CLEC4C: variants seen among roughly 807,000 people sequenced by gnomAD.
The protein encoded by CLEC4C is C-type lectin domain family 4 member C.
A neutral mutation model predicts 27.7 loss-of-function variants in CLEC4C; 17 were observed. The ratio of observed to expected loss-of-function variants is 0.61; its 90% CI spans 0.42 to 0.92. The LOEUF (loss-of-function observed/expected upper bound fraction) is 0.92. Among genes scored for constraint, CLEC4C ranks in the 40% least tolerant of loss-of-function variants. CLEC4C has a pLI of 0.00. For synonymous variants in CLEC4C, 80 were observed against 80.8 expected (o/e 0.99, Z 0.06); for missense variants, 244 against 257.3 (o/e 0.95, Z 0.35).
At chr12:7,734,137 A>G (rs1864665733) in intron 4 of CLEC4C, among the ~76,000 whole-genome samples, 1 of 152,184 alleles carries the variant, frequency 6.6e-6, no homozygotes, top group Admixed American at 6.5e-5. Context: ...AACATATACG[A>G]GACATTGTTA....
Position 7,741,463 on chromosome 12 carries a change from G to A in CLEC4C, c.193C>T (p.His65Tyr), listed in dbSNP as rs373679345. The change falls in exon 3 of 6, where the codon CAT (histidine) becomes TAT (tyrosine). Residue 65 changes from histidine to tyrosine, a missense_variant. Transcript: ENST00000360345. Reference sequence around the variant, plus strand: ...TCCATGACGCAGGTCAGGCTTGGATGATACTGTTGATACTCTCGTAACTTG... The same window carrying A: ...TCCATGACGCAGGTCAGGCTTGGATAATACTGTTGATACTCTCGTAACTTG... ...LSKLREYQQY[H>Y]PSLTCVMEGK... The A allele has an allele frequency of 3.2e-5, 51 of 1,612,286 alleles. No homozygotes were observed. Among genetic ancestry groups the A allele is most frequent in the Middle Eastern group, 1.6e-4 (1 of 6,082 alleles).
rs769919543 is a variant in CLEC4C at position 7,730,838 on chromosome 12, A to G, written c.456T>C (p.His152=). Residue 152 remains histidine, a synonymous_variant, in exon 5 of 6, where the codon CAT becomes CAC. Coordinates refer to ENST00000360345, the MANE Select transcript of CLEC4C (RefSeq NM_001371390.1). ...LGLSDPGGRR[H]WQWVDQTPYN... ...ATGGTGTCTGGTCAACCCATTGCCA[A>G]TGTCGCCGACCCCCTGGATCTGACA... 1.1e-5 allele frequency: 18 copies of G among 1,610,876 alleles called. No individual in the cohort carries two copies. The highest frequency in any genetic ancestry group is 1.4e-5 in the Non-Finnish European group (16 of 1,177,314).
intron 4 of CLEC4C, among the ~76,000 whole-genome samples, chr12:7,731,582 C>G (rs1864595698): frequency 6.6e-6 from 1 of 152,070 alleles, no homozygotes; most frequent in Non-Finnish European, 1.5e-5. Context: ...GGAGAAGACC[C>G]AGGAGTAGCC....
At chr12:7,734,910 C>T (rs936885377) in intron 4 of CLEC4C, among the ~76,000 whole-genome samples, 3 of 151,916 alleles carry the variant, frequency 2.0e-5, no homozygotes, top group African/African-American at 7.3e-5. Flanking sequence ...TAATTTGAAA[C>T]ATTCCATAGG....
upstream of CLEC4C, among the ~76,000 whole-genome samples, chr12:7,748,095 T>C (rs754352386): frequency 1.3e-5 from 2 of 152,238 alleles, no homozygotes; most frequent in East Asian, 1.9e-4. Flanking sequence ...AAATCCATTA[T>C]AGCCTATGCT....
At position 7,746,399 on chromosome 12, in the gene CLEC4C, AACTGGAACCACCAGAGTCC is replaced by A; in HGVS notation, c.37_55del (p.Gly13Ter). 1 of 1,613,374 alleles carries A rather than the reference AACTGGAACCACCAGAGTCC, an allele frequency of 6.2e-7. No homozygotes were observed. Among genetic ancestry groups the A allele is most frequent in the Non-Finnish European group, 8.5e-7 (1 of 1,179,420 alleles). ...TACGACTGCCATGGACCAGACCTTC[AACTGGAACCACCAGAGTCC>A]TTTCTCTGTCAGATCAGCATGACAA... On this transcript the variant is annotated frameshift_variant, in exon 2 of 6. Coordinates refer to ENST00000360345, the MANE Select transcript of CLEC4C (RefSeq NM_001371390.1). LOFTEE classifies it high-confidence loss of function.
chr12:7,732,467 T>C (rs1351445522), intron 4 of CLEC4C, among the ~76,000 whole-genome samples: 2 of 151,648 alleles, frequency 1.3e-5, no homozygotes, highest in African/African-American at 4.9e-5. Flanking sequence ...TTCTTCTGCC[T>C]CAGGCTCCAG....
chr12:7,736,517 C>T (rs1864729212), intron 4 of CLEC4C, among the ~76,000 whole-genome samples: 1 of 151,998 alleles, frequency 6.6e-6, no homozygotes, highest in Non-Finnish European at 1.5e-5. Flanking sequence ...ATTTTATTTG[C>T]CTGAATTTTT....
intron 3 of CLEC4C, among the ~76,000 whole-genome samples, chr12:7,740,693 T>A (rs1565462437): frequency 6.7e-6 from 1 of 148,184 alleles, no homozygotes; most frequent in Non-Finnish European, 1.5e-5. Flanking sequence ...AGAGTGAGAC[T>A]CCGTCTCAAA....
At chr12:7,749,536 C>CA (rs1400061779), upstream of CLEC4C, 2 of 150,446 alleles carry the variant, frequency 1.3e-5, no homozygotes, top group Non-Finnish European at 2.9e-5. Flanking sequence ...GCCTGGGTGA[C>CA]AGAGTGAGAT....
Position 7,729,643 on chromosome 12 carries a change from GAC to G in CLEC4C, c.593_594del (p.Cys198SerfsTer33). On this transcript the variant is annotated frameshift_variant, in exon 6 of 6. Transcript: ENST00000360345. LOFTEE classifies it low-confidence loss of function (END_TRUNC). Reference sequence around the variant, plus strand: ...TTGCAAATTGACTTCTGAGGTACATGACAGTGAATGTCATTCCAGCCCCATTC... The same window carrying G: ...TTGCAAATTGACTTCTGAGGTACATGAGTGAATGTCATTCCAGCCCCATTC... ...SEEWGWNDIH[C>X]HVPQKSICKM... 3 of 1,613,710 alleles carry G rather than the reference GAC, an allele frequency of 1.9e-6. No individual in the cohort carries two copies. The highest frequency in any genetic ancestry group is 2.5e-6 in the Non-Finnish European group (3 of 1,179,654).
rs761847866 is a variant in CLEC4C, at chr12:7,739,217, A to C, written c.236-1643T>G. On this transcript the variant is annotated intron_variant, in intron 3 of 5. Coordinates refer to ENST00000360345, the MANE Select transcript of CLEC4C (RefSeq NM_001371390.1). ...AACCTTCGCCTCCCGGGTTCAAGCA[A>C]TTCTCCTGCCTCAGCCTCCGGAGTA... Among the ~76,000 whole-genome samples, 587 of 151,732 alleles carry C rather than the reference A, an allele frequency of 3.9e-3. 5 individuals carry two copies. Among genetic ancestry groups the C allele is most frequent in the African/African-American group, 0.013 (544 of 41,348 alleles).
chr12:7,730,936 C>T (rs1864583123), intron 4 of CLEC4C, 24 bp from the exon 5 acceptor site: 1 of 1,251,216 alleles, frequency 8.0e-7, no homozygotes, highest in Non-Finnish European at 1.2e-6. Flanking sequence ...ATGGAAGAGT[C>T]ATAGCTGATA....
At chr12:7,747,833 G>C (rs574894177), upstream of CLEC4C, among the ~76,000 whole-genome samples, 4 of 144,794 alleles carry the variant, frequency 2.8e-5, no homozygotes, top group African/African-American at 1.0e-4. Context: ...GTAGTGACAG[G>C]GTTTCATCAT....
chr12:7,736,237 C>A (rs191327414), intron 4 of CLEC4C, among the ~76,000 whole-genome samples: 1 of 152,014 alleles, frequency 6.6e-6, no homozygotes, highest in Admixed American at 6.6e-5. Flanking sequence ...GAGCCAAGAC[C>A]GTGCCATTGC....
rs191327414 is a variant in CLEC4C, at chr12:7,736,237, C to T, written c.381+1192G>A. Among the ~76,000 whole-genome samples the T allele has an allele frequency of 4.6e-3, 706 of 152,130 alleles. 3 individuals are homozygous for T. Among genetic ancestry groups the T allele is most frequent in the African/African-American group, 0.016 (668 of 41,516 alleles). On this transcript the variant is annotated intron_variant, in intron 4 of 5. Coordinates refer to ENST00000360345, the MANE Select transcript of CLEC4C (RefSeq NM_001371390.1). The stretch of plus-strand genomic sequence containing the variant: ...GGCGGAGGTTGCAGTGAGCCAAGAC[C>T]GTGCCATTGCACTCCAGCCTGGGCG...
intron 2 of CLEC4C, among the ~76,000 whole-genome samples, chr12:7,743,113 G>A (rs1864894881): frequency 6.6e-6 from 1 of 152,092 alleles, no homozygotes; most frequent in African/African-American, 2.4e-5. Context: ...AAAGTGGCCT[G>A]CTCATAGTAG....
In CLEC4C at chr12:7,747,333, C is replaced by G. The variant is rs1335906502; in HGVS notation, c.16G>C (p.Glu6Gln). MVPEE[E>Q]PQDREKGLWW... Reference sequence around the variant, plus strand: ...GAGTGCTTACCTCGGTCTTGAGGCTCTTCTTCAGGCACCATTGTGTGTGCG... The same window carrying G: ...GAGTGCTTACCTCGGTCTTGAGGCTGTTCTTCAGGCACCATTGTGTGTGCG... Residue 6 changes from glutamate to glutamine, a missense_variant, in exon 1 of 6, where the codon GAG (glutamate) becomes CAG (glutamine). Coordinates refer to ENST00000360345, the MANE Select transcript of CLEC4C (RefSeq NM_001371390.1). 1.2e-6 allele frequency: 2 copies of G among 1,614,156 alleles called. No individual in the cohort carries two copies. The highest frequency in any genetic ancestry group is 2.2e-5 in the East Asian group (1 of 44,880).
intron 2 of CLEC4C, among the ~76,000 whole-genome samples, chr12:7,742,107 A>T (rs1049222576): frequency 2.0e-5 from 3 of 151,054 alleles, no homozygotes; most frequent in Non-Finnish European, 4.4e-5. Flanking sequence ...TTGAACTTGG[A>T]AGACAGAGGT....
Sources: allele counts gnomAD v4.1 joint callset (sites outside exome capture counted in the v4.1 genomes callset), GRCh38; gene constraint gnomAD v4.1.1; transcripts MANE v1.5; gene names NCBI Gene and HGNC (gene_info 2026-07-23, HGNC 2026-07-21).